KLHDC10: variants seen among roughly 807,000 people sequenced by gnomAD.
KLHDC10 encodes the protein kelch domain containing 10.
KLHDC10 carries 24 observed loss-of-function variants against 56.1 expected under a neutral mutation model. The ratio of observed to expected loss-of-function variants is 0.43; its 90% confidence interval spans 0.31 to 0.60. The LOEUF is 0.60. Ranked by LOEUF, KLHDC10 falls within the 20% of genes least tolerant of loss-of-function variation. KLHDC10 has a pLI of 0.11. For synonymous variants in KLHDC10, 188 were observed against 207.1 expected, an observed-to-expected ratio of 0.91 and a Z score of 0.79; for missense variants, 349 against 567.0, an observed-to-expected ratio of 0.62 and a Z score of 3.91.
chr7:130,107,043 A>G (rs1483260388), intron 2 of KLHDC10, among the ~76,000 whole-genome samples: 1 of 152,234 alleles, frequency 6.6e-6, no homozygotes, highest in African/African-American at 2.4e-5. Context: ...CCAGGGATAA[A>G]AGAAGATTTA....
intron 2 of KLHDC10, among the ~76,000 whole-genome samples, chr7:130,109,542 C>T (rs1796071784): frequency 6.6e-6 from 1 of 152,166 alleles, no homozygotes; most frequent in Admixed American, 6.5e-5. Context: ...TGATTATTAA[C>T]CCTATAAATA....
At chr7:130,112,250 G>A (rs1796111991) in intron 2 of KLHDC10, among the ~76,000 whole-genome samples, 1 of 152,134 alleles carries the variant, frequency 6.6e-6, no homozygotes, top group Non-Finnish European at 1.5e-5. Context: ...CTTTGGGCTA[G>A]AAACTGAAAC....
intron 1 of KLHDC10, among the ~76,000 whole-genome samples, chr7:130,075,477 A>G (rs1488045362): frequency 1.3e-5 from 2 of 152,218 alleles, no homozygotes; most frequent in Non-Finnish European, 2.9e-5. Context: ...TGCCTTCCCT[A>G]GAAGCAACCA....
chr7:130,122,966 G>T (rs1035460621), intron 5 of KLHDC10, among the ~76,000 whole-genome samples: 7 of 152,214 alleles, frequency 4.6e-5, no homozygotes, highest in Admixed American at 1.3e-4. Context: ...TGATTGGATA[G>T]ATGGAAGGAA....
chr7:130,107,532 A>G (rs1001411303), intron 2 of KLHDC10, among the ~76,000 whole-genome samples: 19 of 151,608 alleles, frequency 1.3e-4, no homozygotes, highest in South Asian at 4.1e-4. Flanking sequence ...TAAAACAATG[A>G]AACTTGATGA....
rs192160561 is a variant in KLHDC10 at position 130,075,690 on chromosome 7, A to G, written c.166+4881A>G. 1.4e-3 allele frequency among the ~76,000 whole-genome samples: 209 copies of G among 152,306 alleles called. 1 individual carries two copies. Among genetic ancestry groups the G allele is most frequent in the African/African-American group, 5.0e-3 (206 of 41,568 alleles). On this transcript the variant is annotated intron_variant, in intron 1 of 9. Coordinates refer to ENST00000335420, the MANE Select transcript of KLHDC10 (RefSeq NM_014997.4). ...CTTTAGGATAAATTTGTAGAAGTAC[A>G]GTTTCTGGGTCAAAGGATTTATGTT...
At chr7:130,086,755 T>C (rs1220706940) in intron 1 of KLHDC10, among the ~76,000 whole-genome samples, 1 of 152,226 alleles carries the variant, frequency 6.6e-6, no homozygotes. Context: ...TTGATGGATA[T>C]TTAGCTTGTT....
chr7:130,126,344 G>A (rs1262078742), intron 7 of KLHDC10, among the ~76,000 whole-genome samples: 1 of 151,876 alleles, frequency 6.6e-6, no homozygotes, highest in Non-Finnish European at 1.5e-5. Context: ...CTGTTGAACT[G>A]GTATTAGAAA....
intron 8 of KLHDC10, among the ~76,000 whole-genome samples, chr7:130,128,659 G>A (rs1345255624): frequency 6.6e-6 from 1 of 151,772 alleles, no homozygotes; most frequent in Non-Finnish European, 1.5e-5. Context: ...GCAGATAAAT[G>A]TATATTCTTT....
Position 130,129,504 on chromosome 7 carries a change from G to C in KLHDC10, c.1047G>C (p.Gln349His). 6.2e-7 allele frequency: 1 copy of C among 1,614,182 alleles called. No homozygotes were observed. Among genetic ancestry groups the C allele is most frequent in the Non-Finnish European group, 8.5e-7 (1 of 1,180,024 alleles). Residue 349 changes from glutamine to histidine, a missense_variant, in exon 9 of 10, where the codon CAG becomes CAC. By Grantham distance (24) the Gln-to-His change is conservative. Around this residue, in one of 2 missense-constraint regions of KLHDC10, gnomAD observed 245 missense variants for 470.1 expected, o/e 0.52. Transcript: ENST00000335420. ...ILGDIWKLNL[Q>H]TFQWVKLPAT... The stretch of plus-strand genomic sequence containing the variant: ...GAGATATCTGGAAGTTGAATCTGCA[G>C]ACTTTCCAATGGGTGAAGCTCCCAG...
At chr7:130,109,195 CTG>C (rs1468805074) in intron 2 of KLHDC10, among the ~76,000 whole-genome samples, 1 of 150,826 alleles carries the variant, frequency 6.6e-6, no homozygotes, top group Non-Finnish European at 1.5e-5. Flanking sequence ...ATGTGAGCCA[CTG>C]AGCCCAGCAG....
intron 3 of KLHDC10, among the ~76,000 whole-genome samples, chr7:130,117,994 T>C (rs1796193160): frequency 6.6e-6 from 1 of 151,362 alleles, no homozygotes; most frequent in Admixed American, 6.6e-5. Context: ...TGAAACCCTG[T>C]CTCTACAAAA....
intron 7 of KLHDC10, among the ~76,000 whole-genome samples, chr7:130,126,919 A>G (rs949254909): frequency 1.3e-5 from 2 of 152,280 alleles, no homozygotes; most frequent in East Asian, 1.9e-4. Flanking sequence ...CCTGTGCAAC[A>G]TGGTGAAACC....
Position 130,116,494 on chromosome 7 carries a change from T to C in KLHDC10, c.303T>C (p.Asn101=). The stretch of plus-strand genomic sequence containing the variant: ...GTGGACATCGTTGTGTGGCAGATAA[T>C]ACCAACCTATATGTGTTTGGAGGTT... ...ARSGHRCVAD[N]TNLYVFGGYN... is the part of the protein sequence containing the mutation. Residue 101 remains asparagine (N), a synonymous_variant, in exon 3 of 10, where the codon AAT becomes AAC. Coordinates refer to ENST00000335420, the MANE Select transcript of KLHDC10 (RefSeq NM_014997.4). The surrounding 1 kb of genome is among the most constrained non-coding windows in gnomAD (Gnocchi z 4.8). 3.7e-6 allele frequency: 6 copies of C among 1,614,174 alleles called. No individual in the cohort carries two copies. The highest frequency in any genetic ancestry group is 5.1e-6 in the Non-Finnish European group (6 of 1,180,032).
At position 130,097,677 on chromosome 7, in the gene KLHDC10, A is replaced by G. The variant is rs146151961; in HGVS notation, c.253+670A>G. Among the ~76,000 whole-genome samples the G allele has an allele frequency of 3.0e-3, 455 of 152,310 alleles. 2 individuals carry two copies. The highest frequency in any genetic ancestry group is 0.01 in the African/African-American group (435 of 41,580). On this transcript the variant is annotated intron_variant, in intron 2 of 9. Transcript: ENST00000335420. The stretch of plus-strand genomic sequence containing the variant: ...CAAAGACCAAAAATAAGAATACCCA[A>G]TGTTGGCAAGGGTATGGGAAGATAA...
At chr7:130,103,475 T>A (rs35089974) in intron 2 of KLHDC10, among the ~76,000 whole-genome samples, 1 of 148,626 alleles carries the variant, frequency 6.7e-6, no homozygotes, top group African/African-American at 2.5e-5. Context: ...CTTTCATGTA[T>A]AAAGGACCAA....
chr7:130,105,362 G>T (rs910280945), intron 2 of KLHDC10, among the ~76,000 whole-genome samples: 2 of 152,184 alleles, frequency 1.3e-5, no homozygotes, highest in South Asian at 2.1e-4. Flanking sequence ...GCCTCTTCAC[G>T]CAACTTAGAC....
At chr7:130,110,765 T>C (rs1030505275) in intron 2 of KLHDC10, among the ~76,000 whole-genome samples, 7 of 152,190 alleles carry the variant, frequency 4.6e-5, no homozygotes, top group South Asian at 4.1e-4. Flanking sequence ...TATTTATAAC[T>C]AATGAATACT....
At chr7:130,128,889 A>AAAAAAAAAATATAT in intron 8 of KLHDC10, among the ~76,000 whole-genome samples, 4 of 66,956 alleles carry the variant, frequency 6.0e-5, no homozygotes, top group African/African-American at 2.2e-4. Context: ...AAAAAAAAAA[A>AAAAAAAAAATATAT]ATATATATAT....
Sources: allele counts gnomAD v4.1 joint callset (sites outside exome capture counted in the v4.1 genomes callset), GRCh38; gene constraint gnomAD v4.1.1; regional missense constraint gnomAD v4.1.1; non-coding constraint Gnocchi (gnomAD v3.1); transcripts MANE v1.5; gene names NCBI Gene and HGNC (gene_info 2026-07-23, HGNC 2026-07-21).